MED27: variants seen among roughly 807,000 people sequenced by gnomAD.
MED27 encodes the protein mediator complex subunit 27.
A neutral mutation model predicts 38.2 loss-of-function variants in MED27; 30 were observed. The ratio of observed to expected loss-of-function variants is 0.79; its 90% CI spans 0.59 to 1.07. The LOEUF (loss-of-function observed/expected upper bound fraction) is 1.07, where lower values mean the gene tolerates loss of function less well. MED27 is among the 50% of genes least tolerant of loss of function. The pLI is 0.00. For missense variants in MED27, 289 were observed against 397.5 expected (o/e 0.73, Z 2.32); for synonymous variants, 122 against 153.5 (o/e 0.79, Z 1.52).
intron 3 of MED27, among the ~76,000 whole-genome samples, chr9:131,995,043 A>G (rs537709010): frequency 7.9e-5 from 12 of 152,316 alleles, no homozygotes; most frequent in Non-Finnish European, 1.8e-4. Context: ...TTTATATGGG[A>G]AAAGCAGCAG....
intron 2 of MED27, among the ~76,000 whole-genome samples, chr9:132,056,447 G>C (rs1205802390): frequency 6.6e-6 from 1 of 152,142 alleles, no homozygotes; most frequent in Non-Finnish European, 1.5e-5. Flanking sequence ...CAATTTCCAA[G>C]CAGGTACAAG....
chr9:131,902,739 A>G (rs1410767813), intron 4 of MED27, among the ~76,000 whole-genome samples: 4 of 152,216 alleles, frequency 2.6e-5, no homozygotes, highest in Non-Finnish European at 4.4e-5. Flanking sequence ...ACTAGACTCC[A>G]GATACAAAGT....
chr9:131,872,129 T>TGGACCAGGCTGG lies in MED27; in HGVS notation c.724-9001_724-8990dup, dbSNP rs58625364. ...GAACCGCCTTCCAGCTCCTGGCTGG[T>TGGACCAGGCTGG]GGACCAGGCTGGGGACCAGGACCCA... On this transcript the variant is annotated intron_variant, in intron 6 of 7. Coordinates refer to ENST00000292035, the MANE Select transcript of MED27 (RefSeq NM_004269.4). This position sits in a 1 kb window ranked among gnomAD's most constrained non-coding sequence, Gnocchi z 5.6. Among the ~76,000 whole-genome samples, 3,188 of 152,250 alleles carry TGGACCAGGCTGG rather than the reference T, an allele frequency of 0.021. 108 individuals carry two copies. Among genetic ancestry groups the TGGACCAGGCTGG allele is most frequent in the African/African-American group, 0.071 (2,931 of 41,506 alleles).
intron 2 of MED27, among the ~76,000 whole-genome samples, chr9:132,057,420 T>A (rs1044931652): frequency 6.6e-6 from 1 of 152,144 alleles, no homozygotes; most frequent in East Asian, 1.9e-4. Context: ...GGTAATCACA[T>A]ATGGAGGCAG....
chr9:131,918,969 G>T (rs1031842166), intron 4 of MED27, among the ~76,000 whole-genome samples: 4 of 152,142 alleles, frequency 2.6e-5, no homozygotes, highest in African/African-American at 9.7e-5. Context: ...CTCAGAAGAA[G>T]GCACAGAAGG....
At chr9:131,946,562 C>T (rs1200488484) in intron 3 of MED27, among the ~76,000 whole-genome samples, 1 of 152,156 alleles carries the variant, frequency 6.6e-6, no homozygotes, top group Non-Finnish European at 1.5e-5. Flanking sequence ...TACACCCATG[C>T]TCCTTGTTTG....
chr9:131,930,058 T>C (rs746875128), intron 4 of MED27, among the ~76,000 whole-genome samples: 2 of 150,732 alleles, frequency 1.3e-5, no homozygotes, highest in African/African-American at 2.5e-5. Context: ...CTCCCTTTGT[T>C]TGGGAGAAAG....
In MED27 at chr9:132,043,539, A is replaced by G. The variant is rs1440792286; in HGVS notation, c.349-29072T>C. 2.0e-5 allele frequency among the ~76,000 whole-genome samples: 3 copies of G among 152,126 alleles called. No homozygotes were observed. The East Asian group carries it at 5.8e-4, about 29-fold the overall frequency. ...TCACATATATGATATATATAGTTTC[A>G]TACATAAAATCTTTTGTAATTTAAA... On this transcript the variant is annotated intron_variant, in intron 2 of 7. Coordinates refer to ENST00000292035, the MANE Select transcript of MED27 (RefSeq NM_004269.4).
intron 2 of MED27, among the ~76,000 whole-genome samples, chr9:132,074,098 C>T (rs1240307084): frequency 6.6e-6 from 1 of 152,158 alleles, no homozygotes; most frequent in Non-Finnish European, 1.5e-5. Flanking sequence ...GCGTTGATGC[C>T]AATTATTTTT....
intron 4 of MED27, among the ~76,000 whole-genome samples, chr9:131,931,088 A>G (rs1393476302): frequency 1.3e-5 from 2 of 151,970 alleles, no homozygotes; most frequent in Non-Finnish European, 2.9e-5. Flanking sequence ...TATCAAAAAT[A>G]CAAAAACTTA....
intron 3 of MED27, among the ~76,000 whole-genome samples, chr9:131,965,020 T>C (rs961302897): frequency 2.6e-5 from 4 of 152,212 alleles, no homozygotes; most frequent in Admixed American, 2.0e-4. Flanking sequence ...TTTATCTGGA[T>C]TTACAGCATT....
chr9:132,076,879 G>T (rs1245622633), intron 2 of MED27, among the ~76,000 whole-genome samples: 2 of 152,160 alleles, frequency 1.3e-5, no homozygotes, highest in Non-Finnish European at 2.9e-5. Context: ...CTCTGCCACA[G>T]GCCTGCCTGC....
intron 4 of MED27, among the ~76,000 whole-genome samples, chr9:131,907,921 A>G (rs1348885736): frequency 1.7e-3 from 185 of 109,320 alleles, no homozygotes; most frequent in South Asian, 3.2e-3. Context: ...CCCCGTCTGG[A>G]AGGTGAGGAG....
At chr9:131,866,536 C>G (rs1301096197) in intron 6 of MED27, among the ~76,000 whole-genome samples, 1 of 152,270 alleles carries the variant, frequency 6.6e-6, no homozygotes, top group East Asian at 1.9e-4. Context: ...TCCCATCTTG[C>G]CTGTCTCAAC....
chr9:131,907,224 C>T (rs1036383072), intron 4 of MED27, among the ~76,000 whole-genome samples: 7 of 151,826 alleles, frequency 4.6e-5, no homozygotes, highest in East Asian at 1.9e-4. Flanking sequence ...CCTCTCCCCA[C>T]GGTCTCCCTC....
At chr9:132,063,882 C>T (rs1284564326) in intron 2 of MED27, among the ~76,000 whole-genome samples, 1 of 152,172 alleles carries the variant, frequency 6.6e-6, no homozygotes, top group Non-Finnish European at 1.5e-5. Flanking sequence ...TATCTTCAAA[C>T]CCATTTGGCA....
At chr9:131,980,278 TA>T in intron 3 of MED27, among the ~76,000 whole-genome samples, 1 of 152,122 alleles carries the variant, frequency 6.6e-6, no homozygotes, top group African/African-American at 2.4e-5. Flanking sequence ...TGAACTGCCT[TA>T]AAAATAAACC....
intron 6 of MED27, among the ~76,000 whole-genome samples, chr9:131,873,482 C>T (rs148406664): frequency 4.6e-5 from 7 of 152,264 alleles, no homozygotes; most frequent in African/African-American, 1.4e-4. Flanking sequence ...ATGCAGCTCT[C>T]GTCTCTAATC....
intron 2 of MED27, among the ~76,000 whole-genome samples, chr9:132,052,210 C>A (rs1310856510): frequency 6.6e-6 from 1 of 152,160 alleles, no homozygotes; most frequent in Non-Finnish European, 1.5e-5. Flanking sequence ...TTGTACATTT[C>A]CTTTAAGAGG....
Sources: allele counts gnomAD v4.1 joint callset (sites outside exome capture counted in the v4.1 genomes callset), GRCh38; gene constraint gnomAD v4.1.1; non-coding constraint Gnocchi (gnomAD v3.1); transcripts MANE v1.5; gene names NCBI Gene and HGNC (gene_info 2026-07-23, HGNC 2026-07-21).